The following SLC44A5 variants were observed in gnomAD, a reference collection of about 807,000 sequenced individuals.
The protein encoded by SLC44A5 is solute carrier family 44 member 5.
Under a neutral mutation model 101.8 loss-of-function variants are expected in SLC44A5, and 57 were observed. The ratio of observed to expected loss-of-function variants is 0.56; its 90% CI spans 0.45 to 0.70. The LOEUF is 0.70. Ranked by LOEUF, SLC44A5 falls within the 30% of genes least tolerant of loss-of-function variation. The pLI is 0.00. For synonymous variants in SLC44A5, 281 were observed against 290.9 expected (o/e 0.97, Z 0.35); for missense variants, 737 against 853.1 (o/e 0.86, Z 1.70).
intron 2 of SLC44A5, among the ~76,000 whole-genome samples, chr1:75,478,784 C>G (rs1317850518): frequency 6.6e-6 from 1 of 152,166 alleles, no homozygotes; most frequent in African/African-American, 2.4e-5. Flanking sequence ...GAGATTTAGA[C>G]TCCCACACAA....
chr1:75,380,566 T>G (rs1316510818), intron 3 of SLC44A5, among the ~76,000 whole-genome samples: 1 of 82,708 alleles, frequency 1.2e-5, no homozygotes, highest in Non-Finnish European at 2.1e-5. Flanking sequence ...CAGACCTGTG[T>G]GTAAGGCCAT....
rs553485512 is a variant in SLC44A5 at position 75,371,369 on chromosome 1, G to C, written c.52+25214C>G. On this transcript the variant is annotated intron_variant, in intron 3 of 23. Coordinates refer to ENST00000370859, the MANE Select transcript of SLC44A5 (RefSeq NM_001130058.2). Reference sequence around the variant, plus strand: ...AGGAGAAATAGAACCATCCTCAAAGGGGTTTTAGATACATTGAGTTAGCAT... The same window carrying C: ...AGGAGAAATAGAACCATCCTCAAAGCGGTTTTAGATACATTGAGTTAGCAT... 1.8e-4 allele frequency among the ~76,000 whole-genome samples: 27 copies of C among 152,140 alleles called. No homozygotes were observed. In the South Asian group the frequency reaches 4.8e-3, roughly 27 times the overall value.
At chr1:75,533,944 T>C (rs915490235) in intron 2 of SLC44A5, among the ~76,000 whole-genome samples, 2 of 152,120 alleles carry the variant, frequency 1.3e-5, no homozygotes, top group Non-Finnish European at 2.9e-5. Context: ...CTGTAAAACA[T>C]AAGAATAAAT....
chr1:75,248,607 C>T (rs1649313307), intron 7 of SLC44A5, among the ~76,000 whole-genome samples: 1 of 152,010 alleles, frequency 6.6e-6, no homozygotes, highest in Non-Finnish European at 1.5e-5. Flanking sequence ...GGAAAGAGAT[C>T]TTGGAAGTTC....
At chr1:75,625,553 C>T in the SLC44A5 span, among the ~76,000 whole-genome samples, 15 of 152,114 alleles carry the variant, frequency 9.9e-5, no homozygotes, top group African/African-American at 2.2e-4. Context: ...CATATTCAAT[C>T]GGAAAATCTG....
chr1:75,227,128 G>C (rs1008787937), intron 13 of SLC44A5, among the ~76,000 whole-genome samples: 1 of 152,120 alleles, frequency 6.6e-6, no homozygotes, highest in Non-Finnish European at 1.5e-5. Context: ...ATGTTAGAAG[G>C]CTGAGGTGGG....
At chr1:75,506,860 C>A (rs962900931) in intron 2 of SLC44A5, among the ~76,000 whole-genome samples, 1 of 146,684 alleles carries the variant, frequency 6.8e-6, no homozygotes, top group Non-Finnish European at 1.5e-5. Flanking sequence ...ACTTTCTGTG[C>A]TATGTTGAAG....
chr1:75,698,418 TC>T, the SLC44A5 span, among the ~76,000 whole-genome samples: 3 of 152,146 alleles, frequency 2.0e-5, no homozygotes, highest in South Asian at 2.1e-4. Context: ...GGCCAGGTAC[TC>T]CAACAGACCT....
chr1:75,222,810 A>G (rs645287), intron 13 of SLC44A5, among the ~76,000 whole-genome samples: 68,558 of 152,030 alleles, frequency 0.45, 16,397 homozygotes, highest in African/African-American at 0.6. Context: ...TTAGTTCATT[A>G]AGTAAGACAA....
the SLC44A5 span, among the ~76,000 whole-genome samples, chr1:75,663,158 A>C: frequency 6.6e-6 from 1 of 152,180 alleles, no homozygotes; most frequent in African/African-American, 2.4e-5. Flanking sequence ...GTTACTATGG[A>C]TTGAATGTTT....
At chr1:75,351,868 A>AAAAAAAAAAAAAAAAAAAAAAAAAAAAAG (rs1553165361) in intron 3 of SLC44A5, among the ~76,000 whole-genome samples, 2 of 58,470 alleles carry the variant, frequency 3.4e-5, no homozygotes, top group African/African-American at 1.2e-4. Context: ...AAAAAAAAAA[A>AAAAAAAAAAAAAAAAAAAAAAAAAAAAAG]AGAGAGAGAG....
intron 5 of SLC44A5, among the ~76,000 whole-genome samples, chr1:75,300,014 CAAAAAAAAAAAA>C (rs35608663): frequency 4.3e-5 from 4 of 93,772 alleles, no homozygotes; most frequent in Non-Finnish European, 4.1e-5. Context: ...GACTCTGTCT[CAAAAAAAAAAAA>C]AAAAAAAAAA....
chr1:75,538,707 T>C (rs1006751382), intron 2 of SLC44A5, among the ~76,000 whole-genome samples: 2 of 152,260 alleles, frequency 1.3e-5, no homozygotes, highest in Non-Finnish European at 2.9e-5. Flanking sequence ...TAAATGTCTG[T>C]TGGCTTTGTT....
chr1:75,524,012 G>GAAAT (rs1171012847), intron 2 of SLC44A5, among the ~76,000 whole-genome samples: 3 of 152,206 alleles, frequency 2.0e-5, no homozygotes, highest in African/African-American at 7.2e-5. Flanking sequence ...TTATTTAACA[G>GAAAT]AAATACAAGT....
At chr1:75,282,625 T>C (rs145355779) in intron 5 of SLC44A5, among the ~76,000 whole-genome samples, 32 of 152,286 alleles carry the variant, frequency 2.1e-4, no homozygotes, top group African/African-American at 7.5e-4. Flanking sequence ...TGGAGCTTCA[T>C]GGAAGGTCAC....
chr1:75,614,832 A>G (rs1000826758), upstream of SLC44A5, among the ~76,000 whole-genome samples: 24 of 151,402 alleles, frequency 1.6e-4, no homozygotes, highest in African/African-American at 5.6e-4. Context: ...AGCCTTCCTC[A>G]CCGCGCATGG....
intron 1 of SLC44A5, among the ~76,000 whole-genome samples, chr1:75,554,517 GA>G (rs1672116574): frequency 6.6e-6 from 1 of 151,676 alleles, no homozygotes; most frequent in Admixed American, 6.6e-5. Context: ...GCCAAAAGGG[GA>G]TTAGTAGTCC....
intron 2 of SLC44A5, among the ~76,000 whole-genome samples, chr1:75,528,233 C>T (rs1670526730): frequency 6.6e-6 from 1 of 152,032 alleles, no homozygotes; most frequent in Admixed American, 6.6e-5. Context: ...TCAACATGAG[C>T]TCTCTATAGG....
Position 75,257,352 on chromosome 1 carries a change from T to C in SLC44A5, c.261-6058A>G, listed in dbSNP as rs189714356. 2.5e-3 allele frequency among the ~76,000 whole-genome samples: 379 copies of C among 152,252 alleles called. 1 individual carries two copies. Among genetic ancestry groups the C allele is most frequent in the Non-Finnish European group, 4.6e-3 (312 of 68,030 alleles). ...ACTTCAAAATGGCTGATGAGAAGCA[T>C]ATAGTACCCACTTGCACTACAAAGA... On this transcript the variant is annotated intron_variant, in intron 6 of 23. Coordinates refer to ENST00000370859, the MANE Select transcript of SLC44A5 (RefSeq NM_001130058.2).
Sources: gnomAD v4.1 joint callset for allele counts (sites outside exome capture counted in the v4.1 genomes callset) on GRCh38, gnomAD v4.1.1 for gene constraint, MANE v1.5 for transcripts, NCBI Gene and HGNC (gene_info 2026-07-23, HGNC 2026-07-21) for gene names.